The following ANKS1B variants were observed in gnomAD, a reference collection of about 807,000 sequenced individuals.
The protein encoded by ANKS1B is ankyrin repeat and sterile alpha motif domain containing 1B, also known as ankyrin repeat and sterile alpha motif domain-containing protein 1B.
ANKS1B carries 36 observed loss-of-function variants against 148.3 expected under a neutral mutation model. That is an observed-to-expected ratio of 0.24 (90% CI 0.19 to 0.32). ANKS1B has a LOEUF of 0.32. Ranked by LOEUF, ANKS1B falls within the 10% of genes least tolerant of loss-of-function variation. ANKS1B has a pLI of 1.00. For synonymous variants in ANKS1B, 542 were observed against 560.8 expected (o/e 0.97, Z 0.47); for missense variants, 1,157 against 1,542.6 (o/e 0.75, Z 4.19).
chr12:99,194,821 CAA>C (rs2081195794), intron 14 of ANKS1B, among the ~76,000 whole-genome samples: 1 of 151,900 alleles, frequency 6.6e-6, no homozygotes, highest in African/African-American at 2.4e-5. Flanking sequence ...AGACTTTCTT[CAA>C]AATAATCCTG....
chr12:99,621,310 C>T (rs2098046017), intron 9 of ANKS1B, among the ~76,000 whole-genome samples: 1 of 151,910 alleles, frequency 6.6e-6, no homozygotes, highest in Admixed American at 6.6e-5. Context: ...AGGTACATAG[C>T]CTTTAGACCC....
chr12:99,865,442 G>T (rs555118849), intron 1 of ANKS1B, among the ~76,000 whole-genome samples: 1 of 152,146 alleles, frequency 6.6e-6, no homozygotes, highest in African/African-American at 2.4e-5. Context: ...CACAGTGTTT[G>T]AAGAAGTGCA....
chr12:99,162,373 T>C (rs753874234), intron 14 of ANKS1B, among the ~76,000 whole-genome samples: 1 of 152,140 alleles, frequency 6.6e-6, no homozygotes, highest in Non-Finnish European at 1.5e-5. Flanking sequence ...TGAATGATGA[T>C]ATAAAATAAT....
intron 17 of ANKS1B, chr12:99,049,073 T>TAATCAAA (rs1294804440): frequency 6.6e-6 from 1 of 152,226 alleles, no homozygotes; most frequent in African/African-American, 2.4e-5. Flanking sequence ...TGATTAAAGT[T>TAATCAAA]GTTAATATTT....
intron 1 of ANKS1B, among the ~76,000 whole-genome samples, chr12:99,923,355 C>T (rs1435346444): frequency 1.3e-5 from 2 of 152,130 alleles, no homozygotes; most frequent in Non-Finnish European, 2.9e-5. Flanking sequence ...ATTCTGAGAA[C>T]CAGGAAGAGT....
intron 1 of ANKS1B, among the ~76,000 whole-genome samples, chr12:99,871,221 G>C (rs1364251654): frequency 6.6e-6 from 1 of 152,080 alleles, no homozygotes; most frequent in Non-Finnish European, 1.5e-5. Context: ...GATGGTTGTA[G>C]GTGTGTGGCT....
At chr12:99,045,240 C>A (rs1451280201) in intron 17 of ANKS1B, among the ~76,000 whole-genome samples, 2 of 152,136 alleles carry the variant, frequency 1.3e-5, no homozygotes, top group Non-Finnish European at 2.9e-5. Flanking sequence ...AGTAGATACC[C>A]TCAGGTTCTA....
intron 17 of ANKS1B, among the ~76,000 whole-genome samples, chr12:98,926,911 G>A (rs1182837600): frequency 6.6e-6 from 1 of 152,058 alleles, no homozygotes; most frequent in African/African-American, 2.4e-5. Flanking sequence ...CATAGTGAGA[G>A]TCCCAGACAG....
At chr12:99,155,389 A>G (rs1013263564) in intron 14 of ANKS1B, among the ~76,000 whole-genome samples, 15 of 152,170 alleles carry the variant, frequency 9.9e-5, no homozygotes, top group African/African-American at 3.6e-4. Context: ...GCAATCTTGA[A>G]GTCAAGATAA....
intron 8 of ANKS1B, among the ~76,000 whole-genome samples, chr12:99,693,927 C>T (rs775193550): frequency 3.3e-5 from 5 of 151,192 alleles, no homozygotes; most frequent in African/African-American, 4.9e-5. Context: ...ACTACAGATG[C>T]GTGCCAACAT....
intron 1 of ANKS1B, among the ~76,000 whole-genome samples, chr12:99,855,163 C>T (rs1008822815): frequency 6.6e-6 from 1 of 152,040 alleles, no homozygotes; most frequent in African/African-American, 2.4e-5. Context: ...AGAGACTCAC[C>T]TGACACATAA....
intron 9 of ANKS1B, among the ~76,000 whole-genome samples, chr12:99,511,840 T>C (rs1251637177): frequency 6.6e-6 from 1 of 152,116 alleles, no homozygotes; most frequent in African/African-American, 2.4e-5. Context: ...AAAATGGTGC[T>C]GGGAGAACTG....
chr12:99,341,996 G>A (rs553560441), intron 12 of ANKS1B, among the ~76,000 whole-genome samples: 1 of 151,962 alleles, frequency 6.6e-6, no homozygotes, highest in East Asian at 1.9e-4. Flanking sequence ...CAAATTCTGG[G>A]GGCTGCATTC....
chr12:98,990,463 AAAAT>A (rs2099925928), intron 17 of ANKS1B, among the ~76,000 whole-genome samples: 1 of 152,020 alleles, frequency 6.6e-6, no homozygotes, highest in Non-Finnish European at 1.5e-5. Context: ...GAGAAACAGA[AAAAT>A]AAATAACCTG....
At chr12:99,691,155 C>T (rs1017226095) in intron 8 of ANKS1B, among the ~76,000 whole-genome samples, 3 of 152,200 alleles carry the variant, frequency 2.0e-5, no homozygotes, top group Non-Finnish European at 4.4e-5. Flanking sequence ...CGATGCAAGG[C>T]ACCATGTTCC....
chr12:98,768,523 G>A (rs1243492593), intron 25 of ANKS1B, among the ~76,000 whole-genome samples: 11 of 150,546 alleles, frequency 7.3e-5, no homozygotes, highest in Admixed American at 2.0e-4. Flanking sequence ...TCACAAGGTC[G>A]GGAGATCGGG....
chr12:99,362,885 A>G (rs1232637169), intron 12 of ANKS1B, among the ~76,000 whole-genome samples: 1 of 151,982 alleles, frequency 6.6e-6, no homozygotes, highest in East Asian at 1.9e-4. Context: ...TGTCTTTGTT[A>G]TTTTATTCAT....
chr12:98,877,656 A>G (rs2099694860), intron 17 of ANKS1B, among the ~76,000 whole-genome samples: 1 of 152,222 alleles, frequency 6.6e-6, no homozygotes, highest in Non-Finnish European at 1.5e-5. Context: ...TTGTTTGCTT[A>G]AGAGATGGAA....
At chr12:99,809,307 AG>A (rs1398137805) in intron 3 of ANKS1B, among the ~76,000 whole-genome samples, 1 of 151,846 alleles carries the variant, frequency 6.6e-6, no homozygotes, top group Non-Finnish European at 1.5e-5. Flanking sequence ...GTTGGATTCG[AG>A]TTTCGGTGAA....
Sources: gnomAD v4.1 joint callset for allele counts (sites outside exome capture counted in the v4.1 genomes callset) on GRCh38, gnomAD v4.1.1 for gene constraint, MANE v1.5 for transcripts, NCBI Gene and HGNC (gene_info 2026-07-23, HGNC 2026-07-21) for gene names.